AHNAK: variants seen among roughly 807,000 people sequenced by gnomAD.
AHNAK encodes neuroblast differentiation-associated protein AHNAK.
AHNAK carries 23 observed loss-of-function variants against 37.8 expected under a neutral mutation model. The observed-to-expected ratio is 0.61, with a 90% CI of 0.44 to 0.86. The LOEUF is 0.86. AHNAK is among the 40% of genes least tolerant of loss of function. AHNAK has a pLI of 0.00. For missense variants in AHNAK, 7,411 were observed against 7,319.4 expected (o/e 1.01, Z -0.46); for synonymous variants, 2,481 against 2,636.3 (o/e 0.94, Z 1.80).
chr11:62,497,419 G>C (rs1007468240), intron 4 of AHNAK, among the ~76,000 whole-genome samples: 2 of 152,194 alleles, frequency 1.3e-5, no homozygotes, highest in African/African-American at 2.4e-5. Flanking sequence ...GGCCCTCCAA[G>C]GCCCCAGACT....
chr11:62,492,951 T>C (rs1316332039), intron 4 of AHNAK, among the ~76,000 whole-genome samples: 1 of 151,212 alleles, frequency 6.6e-6, no homozygotes, highest in Non-Finnish European at 1.5e-5. Context: ...AATCGGGACC[T>C]TCAGTTTCAA....
rs141631997 is a variant in AHNAK at position 62,524,214 on chromosome 11, G to A, written c.10203C>T (p.Ser3401=). The A allele has an allele frequency of 2.5e-6, 4 of 1,612,858 alleles. No homozygotes were observed. The African/African-American group carries it at 5.4e-5, about 22-fold the overall frequency. ...TACTCAGGAAAGGCATTTTAAACTT[G>A]GATCCTTTCACTTTTCCTTGGACCT... ...DVEVQGKVKG[S]KFKMPFLSIS... is the part of the protein sequence containing the mutation. The change falls in exon 5 of 5, where the codon TCC becomes TCT. Residue 3401 remains serine (S), a synonymous_variant. Coordinates refer to ENST00000378024, the MANE Select transcript of AHNAK (RefSeq NM_001620.3).
At position 62,525,842 on chromosome 11, in the gene AHNAK, T is replaced by C. The variant is rs1187775370; in HGVS notation, c.8575A>G (p.Lys2859Glu). The C allele has an allele frequency of 1.4e-5, 22 of 1,613,964 alleles. No homozygotes were observed. The highest frequency in any genetic ancestry group is 1.9e-5 in the Non-Finnish European group (22 of 1,180,020). The stretch of plus-strand genomic sequence containing the variant: ...GGACCTTTCAGATCTCCCTCTACCT[T>C]AGGGCCTGTAACATCCACATCTCCT... ...IKGDVDVTGP[K>E]VEGDLKGPEV... The change falls in exon 5 of 5, where the codon AAG becomes GAG. Residue 2859 changes from lysine (K) to glutamate (E), a missense_variant. Transcript: ENST00000378024.
intron 5 of AHNAK, among the ~76,000 whole-genome samples, chr11:62,442,395 A>G (rs990272328): frequency 6.6e-6 from 1 of 152,056 alleles, no homozygotes; most frequent in Non-Finnish European, 1.5e-5. Context: ...GAAAAATACA[A>G]AAATTAGCCA....
chr11:62,464,505 TAAAAATAC>T lies in AHNAK; in HGVS notation c.442+27219_442+27226del, dbSNP rs370513986. Reference sequence around the variant, plus strand: ...CAACATGGCGAAATCCTGTCTCTACTAAAAATACAAAAATTAGCCGGGCGTGGTGCCAC... The same window carrying T: ...CAACATGGCGAAATCCTGTCTCTACTAAAAATTAGCCGGGCGTGGTGCCAC... On this transcript the variant is annotated intron_variant, in intron 5 of 5. Transcript: ENST00000257247. Among the ~76,000 whole-genome samples the T allele has an allele frequency of 1.0e-3, 154 of 152,170 alleles. 3 individuals carry two copies. The South Asian group carries it at 0.031, about 31-fold the overall frequency.
chr11:62,482,895 G>A (rs1939304066), intron 5 of AHNAK, among the ~76,000 whole-genome samples: 1 of 152,210 alleles, frequency 6.6e-6, no homozygotes, highest in South Asian at 2.1e-4. Context: ...ATAAGCAGGA[G>A]AACTGGCCCT....
intron 5 of AHNAK, among the ~76,000 whole-genome samples, chr11:62,459,782 T>A (rs1228496243): frequency 6.6e-6 from 1 of 152,126 alleles, no homozygotes; most frequent in Admixed American, 6.5e-5. Flanking sequence ...CAAGACGACA[T>A]ATAGGAAATC....
chr11:62,526,950 G>A lies in AHNAK; in HGVS notation c.7467C>T (p.Ile2489=). ...CATTTACATCAACTTTGGGGCCCCT[G>A]ATGTTCATATCTGGTACTTCAAGTT... ...EGKLEVPDMN[I]RGPKVDVNAP... The change falls in exon 5 of 5, where the codon ATC becomes ATT. Residue 2489 remains isoleucine, a synonymous_variant. Coordinates refer to ENST00000378024, the MANE Select transcript of AHNAK (RefSeq NM_001620.3). 12 of 1,614,198 alleles carry A rather than the reference G, an allele frequency of 7.4e-6. No homozygotes were observed. The highest frequency in any genetic ancestry group is 7.6e-6 in the Non-Finnish European group (9 of 1,180,036).
In AHNAK at chr11:62,528,125, C is replaced by T; in HGVS notation, c.6292G>A (p.Gly2098Arg). The T allele has an allele frequency of 6.2e-7, 1 of 1,612,378 alleles. No homozygotes were observed. Among genetic ancestry groups the T allele is most frequent in the Middle Eastern group, 1.7e-4 (1 of 6,038 alleles). ...VPDVSLEGPE[G>R]KLKGPKLKMP... is the part of the protein sequence containing the mutation. ...TTAAGCTTGGGGCCCTTCAGCTTCC[C>T]TTCTGGACCTTCAAGGCTCACATCT... The change falls in exon 5 of 5, where the codon GGG (glycine) becomes AGG (arginine). Residue 2098 changes from glycine (G) to arginine (R), a missense_variant. Coordinates refer to ENST00000378024, the MANE Select transcript of AHNAK (RefSeq NM_001620.3).
In AHNAK at chr11:62,531,061, C is replaced by T. The variant is rs755528839; in HGVS notation, c.3356G>A (p.Gly1119Asp). The T allele has an allele frequency of 2.5e-6, 4 of 1,613,590 alleles. No homozygotes were observed. The highest frequency in any genetic ancestry group is 1.1e-5 in the South Asian group (1 of 91,070). Residue 1119 changes from glycine to aspartate, a missense_variant, in exon 5 of 5, where the codon GGC becomes GAC. By Grantham distance (94) the Gly-to-Asp change is moderately conservative (BLOSUM62 -1). Coordinates refer to ENST00000378024, the MANE Select transcript of AHNAK (RefSeq NM_001620.3). ...GGGTATTTTCAGGCTCCAGTCCAGG[C>T]CTTGGCCTTCCACATCTGGTGCTTT... ...DIKAPDVEGQ[G>D]LDWSLKIPKM...
intron 5 of AHNAK, among the ~76,000 whole-genome samples, chr11:62,476,144 C>G (rs1168110332): frequency 2.0e-5 from 3 of 152,096 alleles, no homozygotes; most frequent in Non-Finnish European, 2.9e-5. Context: ...CAAGTTCTGG[C>G]CGGACGGCTG....
Position 62,524,444 on chromosome 11 carries a change from G to A in AHNAK, c.9973C>T (p.Pro3325Ser), listed in dbSNP as rs1940393206. The change falls in exon 5 of 5, where the codon CCC becomes TCC. Residue 3325 changes from proline (P) to serine (S), a missense_variant. Transcript: ENST00000378024. ...TCTGGGCCCTTTATATCCAAACTGG[G>A]AGCTTTAATGTCACCTTCCAACTTG... is the stretch of plus-strand genomic sequence containing the variant. ...GPKLEGDIKAPSLDIKGPEVD... is the reference protein window; with the variant it reads ...GPKLEGDIKASSLDIKGPEVD... 1.3e-5 allele frequency: 21 copies of A among 1,613,756 alleles called. No homozygotes were observed. The highest frequency in any genetic ancestry group is 4.0e-5 in the African/African-American group (3 of 74,890).
rs370915611 is a variant in AHNAK, at chr11:62,492,852, G to C, written c.343-1021C>G. ...ATGATCACACCACTGCACTCCAGCC[G>C]GGGCGACAGAGTGAGACCCTGTCTC... On this transcript the variant is annotated intron_variant, in intron 4 of 5. Transcript: ENST00000257247. 1.8e-4 allele frequency among the ~76,000 whole-genome samples: 26 copies of C among 147,670 alleles called. 1 individual carries two copies. Among genetic ancestry groups the C allele is most frequent in the Admixed American group, 1.5e-3 (23 of 15,072 alleles).
rs778954636 is a variant in AHNAK, at chr11:62,522,887, C to T, written c.11530G>A (p.Val3844Ile). The T allele has an allele frequency of 2.5e-6, 4 of 1,612,872 alleles. No homozygotes were observed. In the South Asian group the frequency reaches 4.4e-5, roughly 18 times the overall value. ...GGGCCTTCGATATTCACATCTGGAA[C>T]ATCAATGTCCACCTTGGGTCCTGAG... is the stretch of plus-strand genomic sequence containing the variant. ...DVSGPKVDID[V>I]PDVNIEGPEG... Residue 3844 changes from valine to isoleucine, a missense_variant, in exon 5 of 5, where the codon GTT becomes ATT. Val to Ile is a conservative substitution (Grantham distance 29). Coordinates refer to ENST00000378024, the MANE Select transcript of AHNAK (RefSeq NM_001620.3).
In AHNAK at chr11:62,528,913, T is replaced by C; in HGVS notation, c.5504A>G (p.Asp1835Gly). The C allele has an allele frequency of 6.2e-7, 1 of 1,614,116 alleles. No individual in the cohort carries two copies. The highest frequency in any genetic ancestry group is 8.5e-7 in the Non-Finnish European group (1 of 1,180,034). ...EVPDVDLECPDAKLKGPKFKM... is the reference protein window; with the variant it reads ...EVPDVDLECPGAKLKGPKFKM... ...AAACTTGGGCCCTTTCAACTTTGCA[T>C]CAGGACACTCCAGATCAACATCGGG... Residue 1835 changes from aspartate to glycine, a missense_variant, in exon 5 of 5, where the codon GAT becomes GGT. Asp to Gly is a moderately conservative substitution (Grantham distance 94). Coordinates refer to ENST00000378024, the MANE Select transcript of AHNAK (RefSeq NM_001620.3).
chr11:62,460,325 C>G (rs973182268), intron 5 of AHNAK, among the ~76,000 whole-genome samples: 1 of 152,036 alleles, frequency 6.6e-6, no homozygotes, highest in East Asian at 1.9e-4. Context: ...TCCGGAGACA[C>G]GCTGCATCTG....
At chr11:62,434,609 G>C (rs1469489019) in intron 5 of AHNAK, among the ~76,000 whole-genome samples, 1 of 152,122 alleles carries the variant, frequency 6.6e-6, no homozygotes, top group African/African-American at 2.4e-5. Context: ...AGAAAGTTCA[G>C]CAACTCCTTT....
At chr11:62,485,701 C>CAAAAAA (rs1286819688) in intron 5 of AHNAK, among the ~76,000 whole-genome samples, 8 of 51,932 alleles carry the variant, frequency 1.5e-4, no homozygotes, top group African/African-American at 3.5e-4. Context: ...GACTCCATCT[C>CAAAAAA]AAAAAAAAAA....
chr11:62,513,558 T>C (rs1939952913), downstream of AHNAK, among the ~76,000 whole-genome samples: 1 of 151,184 alleles, frequency 6.6e-6, no homozygotes, highest in Non-Finnish European at 1.5e-5. Context: ...AAAAAAAGAC[T>C]TTAGGGGATA....
Sources: gnomAD v4.1 joint callset for allele counts (sites outside exome capture counted in the v4.1 genomes callset) on GRCh38, gnomAD v4.1.1 for gene constraint, MANE v1.5 for transcripts, NCBI Gene and HGNC (gene_info 2026-07-23, HGNC 2026-07-21) for gene names.